Variants in ATP6V0E1 observed in about 807,000 individuals in gnomAD.
ATP6V0E1 encodes the protein ATPase H+ transporting V0 subunit e1, also known as V-type proton ATPase subunit e 1.
ATP6V0E1 carries 4 observed loss-of-function variants against 11.6 expected under a neutral mutation model. The ratio of observed to expected loss-of-function variants is 0.35; its 90% CI spans 0.17 to 0.79. The LOEUF (loss-of-function observed/expected upper bound fraction) is 0.79. ATP6V0E1 is among the 30% of genes least tolerant of loss of function. The probability of loss-of-function intolerance (pLI) is 0.54; values close to 1 mark genes in which losing one functional copy is unlikely to be tolerated. For missense variants in ATP6V0E1, 105 were observed against 100.0 expected, an observed-to-expected ratio of 1.05 and a Z score of -0.21; for synonymous variants, 36 against 34.8, an observed-to-expected ratio of 1.04 and a Z score of -0.13.
intron 3 of ATP6V0E1, among the ~76,000 whole-genome samples, chr5:173,032,015 A>T (rs1245128629): frequency 6.6e-6 from 1 of 151,554 alleles, no homozygotes; most frequent in Non-Finnish European, 1.5e-5. Context: ...TCAGCCAGGT[A>T]TGGTGGCACA....
intron 3 of ATP6V0E1, among the ~76,000 whole-genome samples, chr5:173,028,203 A>G (rs905720775): frequency 2.6e-5 from 4 of 152,192 alleles, no homozygotes; most frequent in Admixed American, 6.5e-5. Context: ...CCTATTCTGC[A>G]TTTAACAGAA....
At chr5:173,016,981 A>G (rs372841132) in intron 2 of ATP6V0E1, among the ~76,000 whole-genome samples, 2 of 152,088 alleles carry the variant, frequency 1.3e-5, no homozygotes, top group Non-Finnish European at 2.9e-5. Flanking sequence ...TCCTGTCACA[A>G]AATCACCTTT....
chr5:173,011,180 T>A (rs1464391395), intron 2 of ATP6V0E1, among the ~76,000 whole-genome samples: 1 of 107,714 alleles, frequency 9.3e-6, no homozygotes, highest in Non-Finnish European at 1.8e-5. Context: ...TTTATCTTTT[T>A]TTTTTTTTTT....
chr5:172,998,104 T>C (rs1195712116), intron 2 of ATP6V0E1, among the ~76,000 whole-genome samples: 1 of 150,272 alleles, frequency 6.7e-6, no homozygotes, highest in Non-Finnish European at 1.5e-5. Context: ...AGTGATACCC[T>C]GTCTCAAAAA....
chr5:173,020,286 A>C lies in ATP6V0E1; in HGVS notation c.201A>C (p.Gln67His). ...LAQLNPLFGP[Q>H]LKNETIWYLK... is the part of the protein sequence containing the mutation. ...AACTCAACCCTCTCTTTGGACCGCAATTGAAAAATGAAACCATCTGGTATC... is the reference window on the plus strand; with the variant it reads ...AACTCAACCCTCTCTTTGGACCGCACTTGAAAAATGAAACCATCTGGTATC... The change falls in exon 3 of 4, where the codon CAA becomes CAC. Residue 67 changes from glutamine to histidine, a missense_variant. Coordinates refer to ENST00000519374, the MANE Select transcript of ATP6V0E1 (RefSeq NM_003945.4). 1 of 1,614,040 alleles carries C rather than the reference A, an allele frequency of 6.2e-7. No individual in the cohort carries two copies.
intron 1 of ATP6V0E1, chr5:172,986,819 C>CA: frequency 2.4e-6 from 1 of 414,102 alleles, no homozygotes; most frequent in African/African-American, 2.1e-5. Flanking sequence ...GACAGAGTCT[C>CA]ACTCTGTCGC....
In ATP6V0E1 at chr5:172,983,859, C is replaced by T; in HGVS notation, c.-2C>T. On this transcript the variant is annotated 5_prime_UTR_variant, in exon 1 of 4. Coordinates refer to ENST00000519374, the MANE Select transcript of ATP6V0E1 (RefSeq NM_003945.4). ...GTAGGGGTTGGCGCTCAGGCGGCGACCATGGCGTATCACGGCCTCACTGTG... is the reference window on the plus strand; with the variant it reads ...GTAGGGGTTGGCGCTCAGGCGGCGATCATGGCGTATCACGGCCTCACTGTG... The T allele has an allele frequency of 2.5e-6, 4 of 1,613,668 alleles. No homozygotes were observed. The highest frequency in any genetic ancestry group is 2.5e-6 in the Non-Finnish European group (3 of 1,179,754).
chr5:173,020,873 G>A (rs746371416), intron 3 of ATP6V0E1: 11 of 519,842 alleles, frequency 2.1e-5, no homozygotes, highest in South Asian at 8.3e-5. Flanking sequence ...GTGCTTCCCC[G>A]AGAGTGTGCT....
chr5:172,984,234 G>A (rs1755847788), intron 1 of ATP6V0E1, among the ~76,000 whole-genome samples: 1 of 152,208 alleles, frequency 6.6e-6, no homozygotes, highest in African/African-American at 2.4e-5. Context: ...AGTCCTGTGT[G>A]GGGAGGTGCA....
At chr5:173,010,071 A>G (rs111236370) in intron 2 of ATP6V0E1, among the ~76,000 whole-genome samples, 8 of 152,236 alleles carry the variant, frequency 5.3e-5, no homozygotes, top group African/African-American at 1.9e-4. Context: ...CTGGATAGCC[A>G]CTTTGTTAAA....
chr5:173,021,213 G>T (rs994038502), intron 3 of ATP6V0E1, among the ~76,000 whole-genome samples: 1 of 152,134 alleles, frequency 6.6e-6, no homozygotes, highest in African/African-American at 2.4e-5. Context: ...AGCAGCTCTT[G>T]TGTGCACTAA....
At chr5:173,016,344 T>C (rs1170587590) in intron 2 of ATP6V0E1, among the ~76,000 whole-genome samples, 1 of 152,192 alleles carries the variant, frequency 6.6e-6, no homozygotes, top group East Asian at 1.9e-4. Context: ...TCCCCACACA[T>C]TTGGCTGTAG....
intron 1 of ATP6V0E1, among the ~76,000 whole-genome samples, chr5:172,992,025 T>G (rs1755987972): frequency 6.8e-6 from 1 of 147,720 alleles, no homozygotes; most frequent in South Asian, 2.1e-4. Flanking sequence ...TTTCTGTCTT[T>G]CTTTCTCTCT....
intron 2 of ATP6V0E1, among the ~76,000 whole-genome samples, chr5:173,017,749 G>A (rs1756424570): frequency 6.7e-6 from 1 of 150,258 alleles, no homozygotes; most frequent in Admixed American, 6.7e-5. Flanking sequence ...GCTGAAGCAG[G>A]AGAATTGCTT....
intron 2 of ATP6V0E1, among the ~76,000 whole-genome samples, chr5:173,016,132 C>G (rs1426235231): frequency 6.6e-6 from 1 of 152,206 alleles, no homozygotes; most frequent in Admixed American, 6.6e-5. Context: ...GATTTATAGC[C>G]AGTTGGTCAG....
intron 3 of ATP6V0E1, among the ~76,000 whole-genome samples, chr5:173,032,265 A>AT (rs1255856261): frequency 7.2e-5 from 10 of 138,948 alleles, no homozygotes; most frequent in Admixed American, 4.2e-4. Flanking sequence ...TTATTTATTT[A>AT]TTTATTTATT....
intron 3 of ATP6V0E1, among the ~76,000 whole-genome samples, chr5:173,021,463 G>A (rs890931806): frequency 1.3e-5 from 2 of 152,088 alleles, no homozygotes; most frequent in Admixed American, 6.5e-5. Context: ...ATCAGATCTC[G>A]TGAGACTTAT....
At chr5:173,022,129 C>T (rs925187982) in intron 3 of ATP6V0E1, among the ~76,000 whole-genome samples, 1 of 152,182 alleles carries the variant, frequency 6.6e-6, no homozygotes, top group Admixed American at 6.5e-5. Flanking sequence ...TATTCACTGG[C>T]CGAGAGTCAG....
rs1554118447 is a variant in ATP6V0E1 at position 172,993,688 on chromosome 5, C to CCT, written c.105-1086_105-1085insTC. 9.2e-4 allele frequency among the ~76,000 whole-genome samples: 121 copies of CCT among 130,828 alleles called. 4 individuals carry two copies. The South Asian group carries it at 0.015, about 16-fold the overall frequency. 85.8% of individuals were successfully genotyped at this position (130,828 alleles called of 152,430 possible). On this transcript the variant is annotated intron_variant, in intron 1 of 3. Coordinates refer to ENST00000519374, the MANE Select transcript of ATP6V0E1 (RefSeq NM_003945.4). ...TGGTCAACATATTGAGACCCCCCCCCCCGACCCCACCTCTCCAAAAAAAAT... is the reference window on the plus strand; with the variant it reads ...TGGTCAACATATTGAGACCCCCCCCCCTCCGACCCCACCTCTCCAAAAAAAAT...
Sources: gnomAD v4.1 joint callset for allele counts (sites outside exome capture counted in the v4.1 genomes callset) on GRCh38, gnomAD v4.1.1 for gene constraint, MANE v1.5 for transcripts, NCBI Gene and HGNC (gene_info 2026-07-23, HGNC 2026-07-21) for gene names.